Variants in ADGRD1 observed in about 807,000 individuals in gnomAD.
ADGRD1 encodes G-protein coupled receptor 133.
A neutral mutation model predicts 113.4 loss-of-function variants in ADGRD1; 77 were observed. That is an observed-to-expected ratio of 0.68 (90% CI 0.57 to 0.82). The LOEUF (loss-of-function observed/expected upper bound fraction) is 0.82, where lower values mean the gene tolerates loss of function less well. Ranked by LOEUF, ADGRD1 falls within the 40% of genes least tolerant of loss-of-function variation. The probability of loss-of-function intolerance (pLI) is 0.00; values close to 1 mark genes in which losing one functional copy is unlikely to be tolerated. For missense variants in ADGRD1, 1,036 were observed against 1,139.1 expected (o/e 0.91, Z 1.30); for synonymous variants, 474 against 475.0 (o/e 1.00, Z 0.03).
chr12:131,136,228 G>GCTA, intron 22 of ADGRD1, 65 bp downstream of exon 22: 1 of 1,587,518 alleles, frequency 6.3e-7, no homozygotes, highest in African/African-American at 1.3e-5. Flanking sequence ...CTTGCAGGGA[G>GCTA]CTAGGGCTGC....
chr12:131,043,752 C>T (rs553038458), intron 13 of ADGRD1, among the ~76,000 whole-genome samples: 19 of 152,346 alleles, frequency 1.2e-4, no homozygotes, highest in African/African-American at 4.6e-4. Context: ...GCTCGTGCGG[C>T]TGGGGAGCAG....
chr12:131,066,285 A>G (rs1884712756), intron 13 of ADGRD1, among the ~76,000 whole-genome samples: 1 of 152,170 alleles, frequency 6.6e-6, no homozygotes, highest in Non-Finnish European at 1.5e-5. Context: ...CACGTCTGCA[A>G]GCACCGCAGG....
chr12:130,962,358 C>A (rs1870461945), intron 2 of ADGRD1: 1 of 152,226 alleles, frequency 6.6e-6, no homozygotes, highest in African/African-American at 2.4e-5. Flanking sequence ...TCTGCCAGGA[C>A]TGATTGTGGC....
chr12:131,050,233 AT>A lies in ADGRD1; in HGVS notation c.1474-26567del, dbSNP rs1883247937. Among the ~76,000 whole-genome samples the A allele has an allele frequency of 6.6e-6, 1 of 151,492 alleles. No homozygotes were observed. Among genetic ancestry groups the A allele is most frequent in the Non-Finnish European group, 1.5e-5 (1 of 67,816 alleles). On this transcript the variant is annotated intron_variant, in intron 13 of 24. Coordinates refer to ENST00000261654, the MANE Select transcript of ADGRD1 (RefSeq NM_198827.5). The surrounding 1 kb of genome is among the most constrained non-coding windows in gnomAD (Gnocchi z 4.8). ...CATCGTCATCGTCATCATCATCATC[AT>A]CATCAATGAGATTCTCAGTCAGGAC...
chr12:130,977,043 A>G (rs1872402031), intron 4 of ADGRD1: 1 of 151,992 alleles, frequency 6.6e-6, no homozygotes, highest in African/African-American at 2.4e-5. Context: ...TTCAACCTTT[A>G]TATATGGGAA....
chr12:130,979,829 A>T (rs1198916779), intron 4 of ADGRD1, among the ~76,000 whole-genome samples: 2 of 146,660 alleles, frequency 1.4e-5, no homozygotes, highest in African/African-American at 5.4e-5. Flanking sequence ...ACACACACAC[A>T]CACACACACA....
chr12:131,115,960 G>C (rs1950454005), intron 18 of ADGRD1, among the ~76,000 whole-genome samples: 1 of 152,158 alleles, frequency 6.6e-6, no homozygotes, highest in African/African-American at 2.4e-5. Context: ...CTGGTCCCGG[G>C]CAGCCCCAGG....
chr12:131,103,140 G>A (rs564510867), intron 15 of ADGRD1, among the ~76,000 whole-genome samples: 38 of 152,358 alleles, frequency 2.5e-4, no homozygotes, highest in African/African-American at 9.1e-4. Flanking sequence ...GTTGTGCGCA[G>A]GTCCTTGCCT....
chr12:130,991,466 A>C (rs1471919095), intron 7 of ADGRD1, among the ~76,000 whole-genome samples: 1 of 152,160 alleles, frequency 6.6e-6, no homozygotes, highest in Non-Finnish European at 1.5e-5. Context: ...TTTGTAGTTA[A>C]AGAACTGTCC....
chr12:131,058,383 G>A (rs1371914219), intron 13 of ADGRD1, among the ~76,000 whole-genome samples: 3 of 152,198 alleles, frequency 2.0e-5, no homozygotes, highest in African/African-American at 7.2e-5. Context: ...TCAGTGATCT[G>A]TTTGGAATGT....
intron 13 of ADGRD1, among the ~76,000 whole-genome samples, chr12:131,062,652 C>A (rs1210078733): frequency 6.6e-6 from 1 of 152,098 alleles, no homozygotes; most frequent in African/African-American, 2.4e-5. Context: ...TCTTACCTGC[C>A]GCCATGTAAG....
At position 131,115,371 on chromosome 12, in the gene ADGRD1, C is replaced by G. The variant is rs377261224; in HGVS notation, c.2042-3014C>G. Among the ~76,000 whole-genome samples, 73 of 152,284 alleles carry G rather than the reference C, an allele frequency of 4.8e-4. 1 individual carries two copies. In the East Asian group the frequency reaches 9.9e-3, roughly 21 times the overall value. ...GTGCCCAGAACCAGCCCCGTGGCCT[C>G]AAGAGCCCCGAGGGGCAGGGGTGTG... On this transcript the variant is annotated intron_variant, in intron 18 of 24. Transcript: ENST00000261654.
intron 5 of ADGRD1, among the ~76,000 whole-genome samples, chr12:130,982,605 GGA>G (rs1415014713): frequency 6.6e-6 from 1 of 152,176 alleles, no homozygotes; most frequent in South Asian, 2.1e-4. Flanking sequence ...AGAAGCTTTT[GGA>G]GAGAGAGGCT....
intron 20 of ADGRD1, among the ~76,000 whole-genome samples, chr12:131,124,147 C>G (rs775247301): frequency 6.6e-6 from 1 of 152,216 alleles, no homozygotes; most frequent in Non-Finnish European, 1.5e-5. Flanking sequence ...GTCCCTCTCA[C>G]GTCTTCAGAG....
intron 23 of ADGRD1, 43 bp downstream of exon 23, chr12:131,137,057 T>C (rs1348541464): frequency 6.5e-7 from 1 of 1,532,712 alleles, no homozygotes. Context: ...TGCAGCTGGC[T>C]TTTCCTTTCC....
intron 10 of ADGRD1, among the ~76,000 whole-genome samples, 184 bp from the exon 11 acceptor site, chr12:131,004,002 T>A (rs1461341868): frequency 6.7e-6 from 1 of 148,376 alleles, no homozygotes; most frequent in Non-Finnish European, 1.5e-5. Flanking sequence ...AGTCACTGCC[T>A]GGGCTCTTCA....
intron 20 of ADGRD1, among the ~76,000 whole-genome samples, chr12:131,130,939 A>C (rs897138730): frequency 1.1e-4 from 16 of 152,220 alleles, no homozygotes; most frequent in Admixed American, 9.8e-4. Context: ...GAGTTCACAC[A>C]GAGGACTTTA....
Position 131,050,240 on chromosome 12 carries a change from A to AG in ADGRD1, c.1474-26561_1474-26560insG. On this transcript the variant is annotated intron_variant, in intron 13 of 24. Coordinates refer to ENST00000261654, the MANE Select transcript of ADGRD1 (RefSeq NM_198827.5). The surrounding 1 kb of genome is among the most constrained non-coding windows in gnomAD (Gnocchi z 4.8). ...ATCGTCATCATCATCATCATCATCAATGAGATTCTCAGTCAGGACATCCGG... is the reference window on the plus strand; with the variant it reads ...ATCGTCATCATCATCATCATCATCAAGTGAGATTCTCAGTCAGGACATCCGG... 7.5e-6 allele frequency among the ~76,000 whole-genome samples: 1 copy of AG among 133,030 alleles called. No homozygotes were observed. The highest frequency in any genetic ancestry group is 1.7e-5 in the Non-Finnish European group (1 of 58,910). 87.3% of individuals were successfully genotyped at this position (133,030 alleles called of 152,430 possible). A position where few individuals can be genotyped will look rare whatever the true frequency, so the allele number is the denominator to read the frequency against.
chr12:131,048,475 C>T (rs1013742309), intron 13 of ADGRD1, among the ~76,000 whole-genome samples: 6 of 152,152 alleles, frequency 3.9e-5, no homozygotes, highest in African/African-American at 1.4e-4. Context: ...CCATCTTTCC[C>T]GGGTTTGAGC....
Sources: allele counts gnomAD v4.1 joint callset (sites outside exome capture counted in the v4.1 genomes callset), GRCh38; gene constraint gnomAD v4.1.1; non-coding constraint Gnocchi (gnomAD v3.1); transcripts MANE v1.5; gene names NCBI Gene and HGNC (gene_info 2026-07-23, HGNC 2026-07-21).